RBM33: variants seen among roughly 807,000 people sequenced by gnomAD.
The protein encoded by RBM33 is RNA-binding protein 33.
In RBM33, 28 loss-of-function variants were observed where a neutral mutation model predicts 132.6. The ratio of observed to expected loss-of-function variants is 0.21; its 90% confidence interval spans 0.16 to 0.29. The LOEUF is 0.29. RBM33 is among the 10% of genes least tolerant of loss of function. The pLI, the probability that RBM33 is intolerant of heterozygous loss-of-function variation, is 1.00. For missense variants in RBM33, 1,291 were observed against 1,518.5 expected (o/e 0.85, Z 2.49); for synonymous variants, 634 against 593.0 (o/e 1.07, Z -1.01).
In RBM33 at chr7:155,646,637, A is replaced by G. The variant is rs781398779; in HGVS notation, c.43+1718A>G. Among the ~76,000 whole-genome samples, 11 of 152,200 alleles carry G rather than the reference A, an allele frequency of 7.2e-5. No individual in the cohort carries two copies. In the South Asian group the frequency reaches 8.3e-4, roughly 11 times the overall value. On this transcript the variant is annotated intron_variant, in intron 1 of 17. Transcript: ENST00000401878. ...TGATCCAGTGGATCTCACGCTTTTAAGGGAGGCTTTCCTTGAGAATTCATT... is the reference window on the plus strand; with the variant it reads ...TGATCCAGTGGATCTCACGCTTTTAGGGGAGGCTTTCCTTGAGAATTCATT...
At position 155,775,850 on chromosome 7, in the gene RBM33, G is replaced by A. The variant is rs1802589040; in HGVS notation, c.*809G>A. On this transcript the variant is annotated 3_prime_UTR_variant, in exon 18 of 18. Coordinates refer to ENST00000401878, the MANE Select transcript of RBM33 (RefSeq NM_053043.3). ...GAGGTGGTGGAATGGCCTGAAGGTG[G>A]AACAGACCTGTTTTTTTCCTTTTTA... The A allele has an allele frequency of 6.6e-6, 1 of 152,318 alleles. No individual in the cohort carries two copies. Among genetic ancestry groups the A allele is most frequent in the South Asian group, 2.1e-4 (1 of 4,828 alleles). 9.4% of individuals were successfully genotyped at this position (152,318 alleles called of 1,614,324 possible).
chr7:155,731,144 G>A (rs987657599), intron 9 of RBM33, among the ~76,000 whole-genome samples: 4 of 152,194 alleles, frequency 2.6e-5, no homozygotes, highest in Non-Finnish European at 5.9e-5. Context: ...GTGGAGGCCA[G>A]TCTACTTTCC....
intron 13 of RBM33, among the ~76,000 whole-genome samples, chr7:155,742,541 C>T (rs1445844791): frequency 1.3e-5 from 2 of 152,152 alleles, no homozygotes; most frequent in Admixed American, 6.5e-5. Context: ...GGTGGTGGAC[C>T]GGACTCAGCC....
Position 155,740,013 on chromosome 7 carries a change from A to G in RBM33, c.2036A>G (p.Gln679Arg). ...SSSRMQCPQRQGLRHNTTSQN... is the reference protein window; with the variant it reads ...SSSRMQCPQRRGLRHNTTSQN... ...AGCCGGATGCAGTGCCCCCAGCGCC[A>G]GGGGCTCCGGCATGTAAGTGTCAAG... The change falls in exon 12 of 18, where the codon CAG becomes CGG. Residue 679 changes from glutamine to arginine, a missense_variant. Transcript: ENST00000401878. 1 of 1,550,726 alleles carries G rather than the reference A, an allele frequency of 6.4e-7. No individual in the cohort carries two copies. Among genetic ancestry groups the G allele is most frequent in the Non-Finnish European group, 8.7e-7 (1 of 1,143,686 alleles).
intron 5 of RBM33, among the ~76,000 whole-genome samples, chr7:155,682,594 T>C (rs919644497): frequency 6.6e-6 from 1 of 152,212 alleles, no homozygotes; most frequent in Non-Finnish European, 1.5e-5. Context: ...TCCTGTAAGT[T>C]CAGCAGTCCA....
Position 155,676,572 on chromosome 7 carries a change from T to C in RBM33, c.172-2036T>C, listed in dbSNP as rs568299918. The stretch of plus-strand genomic sequence containing the variant: ...TCTTTCATACTTGTTTCTCTCCCCA[T>C]GGGAGAAATGACCTGTTTGGAAAGA... On this transcript the variant is annotated intron_variant, in intron 3 of 17. Coordinates refer to ENST00000401878, the MANE Select transcript of RBM33 (RefSeq NM_053043.3). Among the ~76,000 whole-genome samples, 6 of 152,318 alleles carry C rather than the reference T, an allele frequency of 3.9e-5. No individual in the cohort carries two copies. In the East Asian group the frequency reaches 1.2e-3, roughly 29 times the overall value.
chr7:155,685,091 G>A lies in RBM33; in HGVS notation c.567+4183G>A, dbSNP rs1402575967. ...TTTTAAAAAGAGTAAAAAGTTTGCTGTTTCCCTCCCCCAGACTTAAAATGA... is the reference window on the plus strand; with the variant it reads ...TTTTAAAAAGAGTAAAAAGTTTGCTATTTCCCTCCCCCAGACTTAAAATGA... On this transcript the variant is annotated intron_variant, in intron 5 of 17. Transcript: ENST00000401878. The A allele has an allele frequency of 2.6e-6, 4 of 1,540,526 alleles. No individual in the cohort carries two copies. In the African/African-American group the frequency reaches 4.1e-5, roughly 16 times the overall value.
intron 1 of RBM33, among the ~76,000 whole-genome samples, chr7:155,651,722 G>C (rs1798361574): frequency 6.6e-6 from 1 of 152,054 alleles, no homozygotes; most frequent in African/African-American, 2.4e-5. Context: ...CAAGTTTATA[G>C]AGCAAGCCTT....
rs779128467 is a variant in RBM33, at chr7:155,766,439, C to T, written c.3187-28C>T. On this transcript the variant is annotated intron_variant, in intron 15 of 17. Coordinates refer to ENST00000401878, the MANE Select transcript of RBM33 (RefSeq NM_053043.3). Reference sequence around the variant, plus strand: ...ATCGAAGAAGCTCAGGCTTGAAACTCTGAATGTATTTCCTTTGTTGTCACC... The same window carrying T: ...ATCGAAGAAGCTCAGGCTTGAAACTTTGAATGTATTTCCTTTGTTGTCACC... 308 of 1,609,786 alleles carry T rather than the reference C, an allele frequency of 1.9e-4. 1 individual carries two copies. The highest frequency in any genetic ancestry group is 1.1e-3 in the Middle Eastern group (6 of 5,270).
chr7:155,740,780 AATAT>A (rs960511548), intron 12 of RBM33, among the ~76,000 whole-genome samples: 10 of 152,208 alleles, frequency 6.6e-5, no homozygotes, highest in Admixed American at 3.9e-4. Flanking sequence ...GCCTCCATTA[AATAT>A]ATATAAGAGG....
chr7:155,695,263 TTTTTC>T (rs1799760049), intron 5 of RBM33, among the ~76,000 whole-genome samples: 1 of 152,192 alleles, frequency 6.6e-6, no homozygotes, highest in African/African-American at 2.4e-5. Flanking sequence ...ATCCTATATA[TTTTTC>T]ATAGGATATG....
At chr7:155,699,816 AT>A (rs1799907364) in intron 5 of RBM33, among the ~76,000 whole-genome samples, 1 of 152,194 alleles carries the variant, frequency 6.6e-6, no homozygotes, top group South Asian at 2.1e-4. Flanking sequence ...TTTCTTGTGC[AT>A]TTTCTAATAA....
intron 14 of RBM33, among the ~76,000 whole-genome samples, chr7:155,749,823 C>T (rs1284729320): frequency 6.6e-6 from 1 of 152,230 alleles, no homozygotes; most frequent in Non-Finnish European, 1.5e-5. Context: ...CATATTGTGT[C>T]CTGGTTAAGA....
intron 9 of RBM33, among the ~76,000 whole-genome samples, chr7:155,731,351 A>G (rs1585500198): frequency 1.3e-5 from 2 of 152,228 alleles, no homozygotes; most frequent in South Asian, 2.1e-4. Context: ...TCCTGTACAT[A>G]TATACCTAGG....
At chr7:155,672,103 A>G (rs980043934) in intron 2 of RBM33, among the ~76,000 whole-genome samples, 1 of 149,006 alleles carries the variant, frequency 6.7e-6, no homozygotes, top group Non-Finnish European at 1.5e-5. Flanking sequence ...TTTAAAATTT[A>G]TTTTTTTTTT....
At chr7:155,772,574 G>T (rs1416804672) in intron 16 of RBM33, among the ~76,000 whole-genome samples, 1 of 152,208 alleles carries the variant, frequency 6.6e-6, no homozygotes, top group Non-Finnish European at 1.5e-5. Flanking sequence ...AGGAGACCAC[G>T]TTGTGGGGCT....
intron 13 of RBM33, 99 bp downstream of exon 13, chr7:155,742,205 T>C: frequency 1.7e-6 from 2 of 1,149,096 alleles, no homozygotes; most frequent in Non-Finnish European, 2.4e-6. Context: ...ATTCACAAAA[T>C]CTTCCCACTT....
chr7:155,699,374 C>G (rs927146850), intron 5 of RBM33, among the ~76,000 whole-genome samples: 4 of 152,104 alleles, frequency 2.6e-5, no homozygotes, highest in African/African-American at 9.7e-5. Context: ...GATGACTGGG[C>G]ATTGAATTGG....
At chr7:155,666,454 A>G (rs1456436141) in intron 2 of RBM33, among the ~76,000 whole-genome samples, 1 of 152,206 alleles carries the variant, frequency 6.6e-6, no homozygotes, top group Non-Finnish European at 1.5e-5. Flanking sequence ...TCACAGAAAT[A>G]ATATTTTGTT....
Sources: allele counts gnomAD v4.1 joint callset (sites outside exome capture counted in the v4.1 genomes callset), GRCh38; gene constraint gnomAD v4.1.1; transcripts MANE v1.5; gene names NCBI Gene and HGNC (gene_info 2026-07-23, HGNC 2026-07-21).